P2RX5: variants seen among roughly 807,000 people sequenced by gnomAD.
The protein encoded by P2RX5 is P2X purinoceptor 5.
A neutral mutation model predicts 54.1 loss-of-function variants in P2RX5; 46 were observed. The observed-to-expected ratio is 0.85, with a 90% confidence interval of 0.67 to 1.09. The LOEUF (loss-of-function observed/expected upper bound fraction) is 1.09, where lower values mean the gene tolerates loss of function less well. P2RX5 is among the 50% of genes least tolerant of loss of function. The pLI is 0.00. For synonymous variants in P2RX5, 226 were observed against 226.4 expected (o/e 1.00, Z 0.02); for missense variants, 566 against 549.8 (o/e 1.03, Z -0.29).
intron 9 of P2RX5, chr17:3,682,269 AC>A (rs1189522233): frequency 2.3e-6 from 1 of 443,866 alleles, no homozygotes; most frequent in Admixed American, 3.4e-5. Flanking sequence ...TTTGCTGGGC[AC>A]CCAGCACGTG....
chr17:3,690,713 G>T (rs922994720), intron 3 of P2RX5, 33 bp from the exon 4 acceptor site: 4 of 1,600,570 alleles, frequency 2.5e-6, no homozygotes, highest in African/African-American at 1.3e-5. Flanking sequence ...TGGATGGGGG[G>T]GTTCCCCCAG....
upstream of P2RX5, among the ~76,000 whole-genome samples, chr17:3,700,109 T>C (rs1226524056): frequency 1.3e-5 from 2 of 152,194 alleles, no homozygotes; most frequent in Admixed American, 1.3e-4. Context: ...ACTTACAAGC[T>C]GTGGCCCCCA....
At chr17:3,678,787 G>A (rs887614698) in intron 11 of P2RX5, among the ~76,000 whole-genome samples, 3 of 152,232 alleles carry the variant, frequency 2.0e-5, no homozygotes, top group Admixed American at 6.5e-5. Flanking sequence ...ACAGCAGGAG[G>A]TGTCCAGCCC....
chr17:3,713,693 T>G, the P2RX5 span, among the ~76,000 whole-genome samples: 1 of 150,126 alleles, frequency 6.7e-6, no homozygotes, highest in East Asian at 2.0e-4. Flanking sequence ...GAGGTTGCGG[T>G]GAGCCAAGAT....
chr17:3,689,861 C>T (rs558999651), intron 6 of P2RX5, among the ~76,000 whole-genome samples: 12 of 152,130 alleles, frequency 7.9e-5, no homozygotes, highest in Middle Eastern at 3.4e-3. Context: ...CGTGCACGCA[C>T]GCACACACGC....
the P2RX5 span, chr17:3,715,022 C>G: frequency 2.5e-5 from 19 of 762,638 alleles, no homozygotes; most frequent in African/African-American, 3.3e-4. Context: ...TGGCTGTTGC[C>G]TAAATAGCCC....
intron 11 of P2RX5, chr17:3,675,811 A>G (rs1343581270): frequency 1.0e-6 from 1 of 967,394 alleles, no homozygotes; most frequent in African/African-American, 1.8e-5. Context: ...TCGGCCTCCC[A>G]AAGTGCTGGG....
chr17:3,693,347 G>A (rs2050670450), intron 1 of P2RX5, among the ~76,000 whole-genome samples: 1 of 152,162 alleles, frequency 6.6e-6, no homozygotes, highest in Non-Finnish European at 1.5e-5. Context: ...TCACTGATAG[G>A]GATGTAAAAT....
At chr17:3,680,175 A>ATCCTCCACCCTGCG in intron 10 of P2RX5, among the ~76,000 whole-genome samples, 1 of 32,994 alleles carries the variant, frequency 3.0e-5, no homozygotes, top group Non-Finnish European at 5.8e-5. Flanking sequence ...TCCACCCTGC[A>ATCCTCCACCCTGCG]TCCTCCACCC....
the P2RX5 span, among the ~76,000 whole-genome samples, chr17:3,716,012 C>A: frequency 1.6e-4 from 24 of 151,964 alleles, 1 homozygote; most frequent in African/African-American, 5.6e-4. Flanking sequence ...AAACAATTAG[C>A]CAGGCATGGT....
the P2RX5 span, among the ~76,000 whole-genome samples, chr17:3,704,389 C>T: frequency 6.6e-6 from 1 of 152,218 alleles, no homozygotes; most frequent in Admixed American, 6.5e-5. Flanking sequence ...GGAAGAGTTT[C>T]ACCAAGAGCC....
intron 5 of P2RX5, 44 bp downstream of exon 5, chr17:3,690,383 G>C (rs748093894): frequency 6.8e-7 from 1 of 1,471,844 alleles, no homozygotes; most frequent in Non-Finnish European, 9.4e-7. Context: ...CCCACCGCAC[G>C]GGGCTGGGAA....
upstream of P2RX5, among the ~76,000 whole-genome samples, chr17:3,698,706 C>T (rs190442164): frequency 6.6e-6 from 1 of 152,108 alleles, no homozygotes; most frequent in African/African-American, 2.4e-5. Context: ...TCCTGAACTC[C>T]CCACGGCACA....
intron 10 of P2RX5, among the ~76,000 whole-genome samples, chr17:3,680,648 CTGGG>C (rs2050241629): frequency 9.2e-6 from 1 of 108,996 alleles, no homozygotes; most frequent in African/African-American, 3.9e-5. Flanking sequence ...TTCCTCCATC[CTGGG>C]TCCTCCACCC....
chr17:3,684,835 CTTTTTTTTTTT>C (rs138123642), intron 9 of P2RX5, among the ~76,000 whole-genome samples: 2 of 86,706 alleles, frequency 2.3e-5, no homozygotes, highest in African/African-American at 4.0e-5. Flanking sequence ...ATCCTGCCCC[CTTTTTTTTTTT>C]TTTTTTTTTT....
the P2RX5 span, chr17:3,717,020 C>T: frequency 5.2e-5 from 24 of 457,900 alleles, no homozygotes; most frequent in East Asian, 8.5e-4. Context: ...CTATTCTGGC[C>T]CCTTATCTAG....
chr17:3,673,943 C>G, intron 11 of P2RX5, 66 bp from the exon 12 acceptor site: 1 of 1,432,810 alleles, frequency 7.0e-7, no homozygotes, highest in Non-Finnish European at 9.7e-7. Context: ...GTGAGGCAAC[C>G]AGTGCCCAGG....
intron 11 of P2RX5, chr17:3,678,021 G>A (rs748846670): frequency 1.7e-4 from 166 of 985,294 alleles, no homozygotes; most frequent in Non-Finnish European, 1.9e-4. Context: ...TCAGAGCTGC[G>A]GGTTGTTCTG....
chr17:3,715,388 A>G, the P2RX5 span, among the ~76,000 whole-genome samples: 2 of 152,164 alleles, frequency 1.3e-5, no homozygotes, highest in Non-Finnish European at 2.9e-5. Flanking sequence ...GGGTTTCTAG[A>G]AGGGAGCTCA....
Sources: allele counts gnomAD v4.1 joint callset (sites outside exome capture counted in the v4.1 genomes callset), GRCh38; gene constraint gnomAD v4.1.1; transcripts MANE v1.5; gene names NCBI Gene and HGNC (gene_info 2026-07-23, HGNC 2026-07-21).